CUL3: variants seen among roughly 807,000 people sequenced by gnomAD.
CUL3 encodes cullin 3.
In CUL3, 19 loss-of-function variants were observed where a neutral mutation model predicts 89.1. The observed-to-expected ratio is 0.21, with a 90% CI of 0.15 to 0.31. The LOEUF is 0.31. CUL3 is among the 10% of genes least tolerant of loss of function. CUL3 has a pLI of 1.00. For missense variants in CUL3, 469 were observed against 942.3 expected (o/e 0.50, Z 6.58); for synonymous variants, 351 against 308.4 (o/e 1.14, Z -1.45).
At chr2:224,478,087 C>T in intron 15 of CUL3, 113 bp downstream of exon 15, 2 of 1,083,468 alleles carry the variant, frequency 1.8e-6, no homozygotes, top group Non-Finnish European at 2.6e-6. Flanking sequence ...ATAAGTGTTA[C>T]ATCACTAGGA....
At chr2:224,579,463 C>T (rs2106326882) in intron 1 of CUL3, among the ~76,000 whole-genome samples, 1 of 151,362 alleles carries the variant, frequency 6.6e-6, no homozygotes, top group South Asian at 2.1e-4. Flanking sequence ...ATCTGGCAAA[C>T]ATTTCTGTAG....
At chr2:224,495,672 T>C (rs1246575539) in intron 13 of CUL3, 160 bp downstream of exon 13, 12 of 518,628 alleles carry the variant, frequency 2.3e-5, no homozygotes, top group South Asian at 1.6e-4. Flanking sequence ...CATAACTCAA[T>C]ACATGTATGA....
At chr2:224,574,012 G>C (rs1328841216) in intron 1 of CUL3, among the ~76,000 whole-genome samples, 1 of 152,190 alleles carries the variant, frequency 6.6e-6, no homozygotes, top group South Asian at 2.1e-4. Flanking sequence ...GGAGAGGACA[G>C]GGCAAACAGA....
chr2:224,543,730 C>G (rs919069078), intron 2 of CUL3, among the ~76,000 whole-genome samples: 9 of 152,134 alleles, frequency 5.9e-5, no homozygotes, highest in Admixed American at 3.9e-4. Flanking sequence ...TGCCTATAAT[C>G]CCAGCACTCT....
chr2:224,540,919 C>T (rs919844198), intron 2 of CUL3, among the ~76,000 whole-genome samples: 2 of 151,982 alleles, frequency 1.3e-5, no homozygotes, highest in African/African-American at 2.4e-5. Context: ...TTTTTTAATG[C>T]CACTGATTAA....
Position 224,474,357 on chromosome 2 carries a change from G to A in CUL3, c.2195C>T (p.Ala732Val), listed in dbSNP as rs745316138. The change falls in exon 16 of 16, where the codon GCG becomes GTG. Residue 732 changes from alanine to valine, a missense_variant. This residue lies in a region of CUL3 where 65 missense variants were observed against 147.8 expected (regional missense o/e 0.44). Coordinates refer to ENST00000264414, the MANE Select transcript of CUL3 (RefSeq NM_003590.5). ...AACAACTGGACTTGGTAAGAATCGC[G>A]CCTTCAACTGCTGAGTTACCTAAAA... ...LVAEVTQQLK[A>V]RFLPSPVVIK... 1.9e-6 allele frequency: 3 copies of A among 1,612,230 alleles called. No homozygotes were observed. Among genetic ancestry groups the A allele is most frequent in the Non-Finnish European group, 2.5e-6 (3 of 1,179,420 alleles).
intron 2 of CUL3, among the ~76,000 whole-genome samples, chr2:224,546,009 A>T (rs530919608): frequency 6.6e-6 from 1 of 152,336 alleles, no homozygotes; most frequent in East Asian, 1.9e-4. Flanking sequence ...GGATTTCTCA[A>T]TCAGTACAAA....
intron 13 of CUL3, among the ~76,000 whole-genome samples, chr2:224,484,850 C>T (rs567867173): frequency 6.6e-6 from 1 of 152,172 alleles, no homozygotes; most frequent in South Asian, 2.1e-4. Context: ...GCAAGATGGC[C>T]GAATAGGAAC....
chr2:224,556,291 G>A (rs1279614850), intron 2 of CUL3: 1 of 152,070 alleles, frequency 6.6e-6, no homozygotes, highest in Non-Finnish European at 1.5e-5. Flanking sequence ...GGGAAAAAAG[G>A]TACCTTTACA....
chr2:224,478,422 T>C, intron 14 of CUL3, 77 bp from the exon 15 acceptor site: 1 of 1,440,212 alleles, frequency 6.9e-7, no homozygotes, highest in South Asian at 1.3e-5. Flanking sequence ...TATAATTCAA[T>C]GTAATCCACA....
chr2:224,532,269 A>G (rs1316021439), intron 3 of CUL3, among the ~76,000 whole-genome samples: 1 of 152,154 alleles, frequency 6.6e-6, no homozygotes, highest in Non-Finnish European at 1.5e-5. Context: ...AAGAACAACT[A>G]GGACTAAACC....
At chr2:224,499,461 A>C (rs1692290875) in intron 11 of CUL3, 1 of 240,318 alleles carries the variant, frequency 4.2e-6, no homozygotes, top group South Asian at 7.8e-5. Flanking sequence ...GGCAATATCA[A>C]ATACAGTTTC....
intron 2 of CUL3, among the ~76,000 whole-genome samples, chr2:224,538,149 G>C (rs186805869): frequency 6.6e-6 from 1 of 152,158 alleles, no homozygotes; most frequent in Non-Finnish European, 1.5e-5. Context: ...TTTCAATTAT[G>C]CATACACACA....
intron 12 of CUL3, 31 bp from the exon 13 acceptor site, chr2:224,495,997 GAC>G (rs1317478698): frequency 6.2e-7 from 1 of 1,606,600 alleles, no homozygotes; most frequent in Non-Finnish European, 8.5e-7. Flanking sequence ...TATAAACAAA[GAC>G]ACAATCATTT....
chr2:224,526,325 C>T (rs1693471392), intron 3 of CUL3, among the ~76,000 whole-genome samples: 1 of 152,094 alleles, frequency 6.6e-6, no homozygotes, highest in African/African-American at 2.4e-5. Context: ...GTGGCTCATG[C>T]CTGTAATTCC....
At chr2:224,529,334 T>C (rs954435354) in intron 3 of CUL3, among the ~76,000 whole-genome samples, 1 of 152,000 alleles carries the variant, frequency 6.6e-6, no homozygotes, top group Non-Finnish European at 1.5e-5. Context: ...AAAGAATGAA[T>C]CGGCTGGGTG....
intron 1 of CUL3, among the ~76,000 whole-genome samples, chr2:224,573,438 T>G (rs1695231105): frequency 6.6e-6 from 1 of 152,222 alleles, no homozygotes; most frequent in Admixed American, 6.5e-5. Context: ...TTAAACAAGT[T>G]ATATATTCAA....
intron 3 of CUL3, among the ~76,000 whole-genome samples, chr2:224,525,979 A>C (rs1360340885): frequency 6.6e-6 from 1 of 152,248 alleles, no homozygotes; most frequent in Non-Finnish European, 1.5e-5. Context: ...TTGAAACTGC[A>C]CAAAGTATGT....
chr2:224,529,232 T>C (rs908971407), intron 3 of CUL3, among the ~76,000 whole-genome samples: 1 of 152,162 alleles, frequency 6.6e-6, no homozygotes, highest in Non-Finnish European at 1.5e-5. Flanking sequence ...TTCCCAATCA[T>C]TAATCATTTG....
Sources: allele counts gnomAD v4.1 joint callset (sites outside exome capture counted in the v4.1 genomes callset), GRCh38; gene constraint gnomAD v4.1.1; regional missense constraint gnomAD v4.1.1; transcripts MANE v1.5; gene names NCBI Gene and HGNC (gene_info 2026-07-23, HGNC 2026-07-21).